The following APBB2 variants were observed in gnomAD, a reference collection of about 807,000 sequenced individuals.
APBB2 encodes Fe65-like 1.
A neutral mutation model predicts 82.5 loss-of-function variants in APBB2; 38 were observed. The ratio of observed to expected loss-of-function variants is 0.46; its 90% CI spans 0.36 to 0.60. The LOEUF (loss-of-function observed/expected upper bound fraction) is 0.60. Among genes scored for constraint, APBB2 ranks in the 20% least tolerant of loss-of-function variants. APBB2 has a pLI of 0.00. For missense variants in APBB2, 772 were observed against 972.3 expected, an observed-to-expected ratio of 0.79 and a Z score of 2.74; for synonymous variants, 341 against 368.2, an observed-to-expected ratio of 0.93 and a Z score of 0.85.
intron 5 of APBB2, among the ~76,000 whole-genome samples, chr4:41,020,224 A>C: frequency 6.6e-6 from 1 of 152,246 alleles, no homozygotes; most frequent in East Asian, 1.9e-4. Context: ...CACTGAAGCC[A>C]CTGACAACCC....
intron 12 of APBB2, among the ~76,000 whole-genome samples, chr4:40,840,929 T>A (rs917374622): frequency 6.6e-6 from 1 of 152,216 alleles, no homozygotes; most frequent in African/African-American, 2.4e-5. Flanking sequence ...TGGGACTGGC[T>A]GTTATTTTAC....
chr4:40,970,210 C>G (rs573529044), intron 6 of APBB2, among the ~76,000 whole-genome samples: 1 of 152,294 alleles, frequency 6.6e-6, no homozygotes, highest in African/African-American at 2.4e-5. Context: ...AGTTGGACAT[C>G]TTGGCATGAC....
At chr4:40,901,339 TAGCC>T (rs1775220883) in intron 10 of APBB2, among the ~76,000 whole-genome samples, 1 of 151,910 alleles carries the variant, frequency 6.6e-6, no homozygotes, top group Non-Finnish European at 1.5e-5. Flanking sequence ...TGACATATCA[TAGCC>T]AGCTATGCCA....
chr4:41,187,369 A>G (rs1220463396), intron 1 of APBB2, among the ~76,000 whole-genome samples: 2 of 152,234 alleles, frequency 1.3e-5, no homozygotes, highest in African/African-American at 4.8e-5. Flanking sequence ...TTTGAGAAAA[A>G]CAAACAACAT....
At chr4:41,109,437 C>T (rs566178014) in intron 2 of APBB2, among the ~76,000 whole-genome samples, 3 of 152,066 alleles carry the variant, frequency 2.0e-5, no homozygotes, top group African/African-American at 7.2e-5. Flanking sequence ...ACTACAGGGG[C>T]GTGCCACCAC....
chr4:41,172,579 G>C (rs1768610094), intron 1 of APBB2, among the ~76,000 whole-genome samples: 1 of 152,204 alleles, frequency 6.6e-6, no homozygotes, highest in African/African-American at 2.4e-5. Flanking sequence ...AACTAAGTGT[G>C]GTTTACAAAC....
intron 6 of APBB2, among the ~76,000 whole-genome samples, chr4:41,013,005 T>A (rs981091580): frequency 1.3e-5 from 2 of 152,212 alleles, no homozygotes; most frequent in African/African-American, 2.4e-5. Flanking sequence ...AACTTCTGAA[T>A]ATATTTTTCA....
intron 1 of APBB2, among the ~76,000 whole-genome samples, chr4:41,154,461 T>C (rs1380592768): frequency 6.6e-6 from 1 of 152,226 alleles, no homozygotes; most frequent in Non-Finnish European, 1.5e-5. Context: ...ATTGTTTTTC[T>C]GAACGAGTAA....
intron 6 of APBB2, among the ~76,000 whole-genome samples, chr4:40,983,171 C>CAGGG (rs1391346868): frequency 6.6e-6 from 1 of 152,184 alleles, no homozygotes; most frequent in Non-Finnish European, 1.5e-5. Flanking sequence ...AAATGAGGAA[C>CAGGG]AGGGAGGCAA....
chr4:41,149,540 T>G (rs1761687256), intron 1 of APBB2, among the ~76,000 whole-genome samples: 1 of 152,056 alleles, frequency 6.6e-6, no homozygotes, highest in Non-Finnish European at 1.5e-5. Context: ...TCTCTAATAA[T>G]CTGAAAATCC....
intron 5 of APBB2, among the ~76,000 whole-genome samples, chr4:41,014,642 T>TAA (rs1809362357): frequency 6.6e-6 from 1 of 152,222 alleles, no homozygotes; most frequent in African/African-American, 2.4e-5. Flanking sequence ...TCTGAGGACC[T>TAA]AAATTTTACT....
At chr4:40,825,406 T>G (rs1210682048) in intron 15 of APBB2, among the ~76,000 whole-genome samples, 2 of 152,244 alleles carry the variant, frequency 1.3e-5, no homozygotes, top group Non-Finnish European at 2.9e-5. Context: ...AGTCTCTTTT[T>G]GGCTTGGTAT....
At chr4:41,035,626 G>A (rs1448877538) in intron 4 of APBB2, among the ~76,000 whole-genome samples, 1 of 150,224 alleles carries the variant, frequency 6.7e-6, no homozygotes, top group Non-Finnish European at 1.5e-5. Context: ...ATACTAGTGT[G>A]AGCATTCTGA....
In APBB2 at chr4:40,813,310, A is replaced by G. The variant is rs1048420583; in HGVS notation, c.*2782T>C. 6.6e-6 allele frequency: 1 copy of G among 152,242 alleles called. No individual in the cohort carries two copies. The highest frequency in any genetic ancestry group is 1.5e-5 in the Non-Finnish European group (1 of 68,048). 9.4% of individuals were successfully genotyped at this position (152,242 alleles called of 1,614,324 possible). On this transcript the variant is annotated 3_prime_UTR_variant, in exon 18 of 18. Coordinates refer to ENST00000508593, the MANE Select transcript of APBB2 (RefSeq NM_004307.2). ...TAAAAATAGAATAAATAAAATAAAAATATTTTAAGCTGTATTTAACAGGTT... is the reference window on the plus strand; with the variant it reads ...TAAAAATAGAATAAATAAAATAAAAGTATTTTAAGCTGTATTTAACAGGTT...
chr4:41,092,088 C>T (rs1397926636), intron 3 of APBB2, among the ~76,000 whole-genome samples: 1 of 152,176 alleles, frequency 6.6e-6, no homozygotes, highest in Non-Finnish European at 1.5e-5. Flanking sequence ...ATCTAATTTG[C>T]CAAAGCTGAT....
At chr4:41,214,172 C>T (rs1250066236) in intron 1 of APBB2, among the ~76,000 whole-genome samples, 1 of 152,136 alleles carries the variant, frequency 6.6e-6, no homozygotes. Context: ...GCAGGGCGCA[C>T]GGGACTCCGC....
chr4:41,080,698 C>CT (rs5857775), intron 3 of APBB2, among the ~76,000 whole-genome samples: 65,208 of 120,896 alleles, frequency 0.54, 18,347 homozygotes, highest in East Asian at 0.84. Flanking sequence ...GTAAATGCTC[C>CT]TTTTTTTTTT....
intron 5 of APBB2, among the ~76,000 whole-genome samples, chr4:41,029,146 T>C (rs1241832357): frequency 5.3e-5 from 8 of 152,230 alleles, no homozygotes; most frequent in African/African-American, 1.2e-4. Context: ...TTTTCTGCTA[T>C]ACAATTTCAT....
At chr4:40,906,489 G>A (rs11735836) in intron 10 of APBB2, among the ~76,000 whole-genome samples, 237 of 121,882 alleles carry the variant, frequency 1.9e-3, no homozygotes, top group Middle Eastern at 9.2e-3. Flanking sequence ...AAAAAAAAAA[G>A]AAAAGAAAAG....
Sources: allele counts gnomAD v4.1 joint callset (sites outside exome capture counted in the v4.1 genomes callset), GRCh38; gene constraint gnomAD v4.1.1; transcripts MANE v1.5; gene names NCBI Gene and HGNC (gene_info 2026-07-23, HGNC 2026-07-21).